Variants in MECOM observed in about 807,000 individuals in gnomAD.
The protein encoded by MECOM is MDS1 and EVI1 complex locus, also known as histone-lysine N-methyltransferase MECOM.
A neutral mutation model predicts 116.3 loss-of-function variants in MECOM; 13 were observed. The ratio of observed to expected loss-of-function variants is 0.11; its 90% confidence interval spans 0.07 to 0.18. The LOEUF (loss-of-function observed/expected upper bound fraction) is 0.18, where lower values mean the gene tolerates loss of function less well. MECOM is among the 10% of genes least tolerant of loss of function. The pLI is 1.00. For synonymous variants in MECOM, 528 were observed against 535.2 expected, an observed-to-expected ratio of 0.99 and a Z score of 0.19; for missense variants, 1,299 against 1,509.0, an observed-to-expected ratio of 0.86 and a Z score of 2.31.
intron 10 of MECOM, 92 bp from the exon 11 acceptor site, chr3:169,102,318 C>A: frequency 8.2e-7 from 1 of 1,220,422 alleles, no homozygotes; most frequent in South Asian, 1.8e-5. Flanking sequence ...AAAAGGGAAG[C>A]ATGAAATCTG....
intron 2 of MECOM, among the ~76,000 whole-genome samples, chr3:169,191,701 AAAG>A (rs1182594077): frequency 2.7e-4 from 9 of 33,088 alleles, no homozygotes; most frequent in African/African-American, 1.2e-3. Flanking sequence ...AAGAGATAGA[AAAG>A]AAAGAAAGAA....
chr3:169,152,657 G>A lies in MECOM; in HGVS notation c.376-8825C>T, dbSNP rs548130061. On this transcript the variant is annotated intron_variant, in intron 2 of 16. Coordinates refer to ENST00000651503, the MANE Select transcript of MECOM (RefSeq NM_004991.4). ...ACAAATCTTGATGTCTTTGTAGGAC[G>A]GCACTGTGTGCGTTCAGAATTAGCA... 5.3e-5 allele frequency among the ~76,000 whole-genome samples: 8 copies of A among 152,230 alleles called. No individual in the cohort carries two copies. In the East Asian group the frequency reaches 5.8e-4, roughly 11 times the overall value.
intron 1 of MECOM, among the ~76,000 whole-genome samples, chr3:169,423,206 A>G (rs1460581913): frequency 6.6e-6 from 1 of 152,106 alleles, no homozygotes; most frequent in Non-Finnish European, 1.5e-5. Context: ...CTAGACTCTA[A>G]GAATCATTGC....
intron 7 of MECOM, 175 bp downstream of exon 7, chr3:169,120,881 C>T (rs374199130): frequency 3.6e-6 from 2 of 557,206 alleles, no homozygotes; most frequent in Non-Finnish European, 2.8e-6. Context: ...GGACAAAATA[C>T]CATGGATCTG....
chr3:169,462,350 C>T (rs1467339483), intron 1 of MECOM, among the ~76,000 whole-genome samples: 4 of 152,164 alleles, frequency 2.6e-5, no homozygotes. Context: ...GGCTTAATGT[C>T]AGACAGCCAG....
At chr3:169,630,099 A>G (rs1771898856) in intron 1 of MECOM, among the ~76,000 whole-genome samples, 2 of 152,212 alleles carry the variant, frequency 1.3e-5, no homozygotes, top group Admixed American at 1.3e-4. Context: ...CAATGAAGAA[A>G]GAAACATGCC....
chr3:169,274,656 A>G (rs1759371976), intron 2 of MECOM, among the ~76,000 whole-genome samples: 1 of 152,238 alleles, frequency 6.6e-6, no homozygotes, highest in African/African-American at 2.4e-5. Flanking sequence ...AAAATGATCT[A>G]TAAATGCACT....
At chr3:169,198,305 T>C (rs1748699982) in intron 2 of MECOM, among the ~76,000 whole-genome samples, 1 of 152,038 alleles carries the variant, frequency 6.6e-6, no homozygotes, top group Non-Finnish European at 1.5e-5. Flanking sequence ...CAAATCTTTA[T>C]ATCAAACTTT....
At chr3:169,135,789 T>G (rs185998553) in intron 3 of MECOM, among the ~76,000 whole-genome samples, 4 of 152,060 alleles carry the variant, frequency 2.6e-5, no homozygotes, top group African/African-American at 9.6e-5. Flanking sequence ...TATTTGGATC[T>G]CTGGATACCT....
chr3:169,498,886 A>G (rs776012980), intron 1 of MECOM, among the ~76,000 whole-genome samples: 1 of 152,224 alleles, frequency 6.6e-6, no homozygotes, highest in Non-Finnish European at 1.5e-5. Flanking sequence ...GGGCTATAGA[A>G]AAAACAATAC....
intron 1 of MECOM, among the ~76,000 whole-genome samples, chr3:169,642,394 C>T (rs1773600233): frequency 2.0e-5 from 3 of 150,950 alleles, no homozygotes; most frequent in Admixed American, 2.0e-4. Context: ...AAATTGTGAG[C>T]CGAGATCGCG....
intron 2 of MECOM, among the ~76,000 whole-genome samples, chr3:169,357,534 A>G (rs556235767): frequency 1.1e-4 from 16 of 151,944 alleles, no homozygotes; most frequent in South Asian, 8.3e-4. Flanking sequence ...TCAGATACCT[A>G]GTTCCCTTCT....
At chr3:169,503,317 G>A (rs942401201) in intron 1 of MECOM, among the ~76,000 whole-genome samples, 15 of 152,034 alleles carry the variant, frequency 9.9e-5, no homozygotes, top group African/African-American at 3.1e-4. Flanking sequence ...GAAAACGTTG[G>A]TGAAACCATT....
intron 1 of MECOM, among the ~76,000 whole-genome samples, chr3:169,438,392 G>C (rs1309039963): frequency 6.6e-6 from 1 of 152,154 alleles, no homozygotes; most frequent in Non-Finnish European, 1.5e-5. Context: ...TTTCAGAGGT[G>C]GTCCCAGGAA....
intron 1 of MECOM, among the ~76,000 whole-genome samples, chr3:169,520,299 G>A (rs1162206702): frequency 6.6e-6 from 1 of 152,068 alleles, no homozygotes; most frequent in Non-Finnish European, 1.5e-5. Context: ...AATTTGAATT[G>A]GGCATTTTTC....
chr3:169,090,518 G>A (rs2148853357), intron 14 of MECOM, among the ~76,000 whole-genome samples: 1 of 152,092 alleles, frequency 6.6e-6, no homozygotes, highest in African/African-American at 2.4e-5. Context: ...GACTTTGCTT[G>A]ATAATTGATA....
At position 169,549,704 on chromosome 3, in the gene MECOM, A is replaced by G. The variant is rs1454285867; in HGVS notation, c.37+113632T>C. 9.2e-5 allele frequency among the ~76,000 whole-genome samples: 14 copies of G among 152,318 alleles called. No homozygotes were observed. The East Asian group carries it at 2.5e-3, about 27-fold the overall frequency. On this transcript the variant is annotated intron_variant, in intron 1 of 16. Transcript: ENST00000651503. ...GATTACATGTCATTTTTTAAGGCCA[A>G]GTAAGGCCTAGTAGTTCAAATTAAA...
At chr3:169,439,277 G>C (rs1037526869) in intron 1 of MECOM, among the ~76,000 whole-genome samples, 1 of 145,644 alleles carries the variant, frequency 6.9e-6, no homozygotes, top group Non-Finnish European at 1.5e-5. Flanking sequence ...TACAAACTAG[G>C]AAAGATATTT....
At chr3:169,389,202 A>C (rs553512823) in intron 1 of MECOM, among the ~76,000 whole-genome samples, 2 of 152,350 alleles carry the variant, frequency 1.3e-5, no homozygotes, top group South Asian at 4.1e-4. Flanking sequence ...GCCTCTTCCA[A>C]AACTTTCTCT....
Sources: allele counts gnomAD v4.1 joint callset (sites outside exome capture counted in the v4.1 genomes callset), GRCh38; gene constraint gnomAD v4.1.1; transcripts MANE v1.5; gene names NCBI Gene and HGNC (gene_info 2026-07-23, HGNC 2026-07-21).